NTRK3: variants seen among roughly 807,000 people sequenced by gnomAD.
The protein encoded by NTRK3 is neurotrophic receptor tyrosine kinase 3.
In NTRK3, 24 loss-of-function variants were observed where a neutral mutation model predicts 91.7. That is an observed-to-expected ratio of 0.26 (90% CI 0.19 to 0.37). The LOEUF (loss-of-function observed/expected upper bound fraction) is 0.37. Among genes scored for constraint, NTRK3 ranks in the 10% least tolerant of loss-of-function variants. The pLI, the probability that NTRK3 is intolerant of heterozygous loss-of-function variation, is 1.00. For missense variants in NTRK3, 880 were observed against 1,068.9 expected, an observed-to-expected ratio of 0.82 and a Z score of 2.46; for synonymous variants, 483 against 404.0, an observed-to-expected ratio of 1.20 and a Z score of -2.34.
intron 14 of NTRK3, among the ~76,000 whole-genome samples, chr15:88,025,818 A>C (rs1473219504): frequency 2.0e-5 from 3 of 152,188 alleles, no homozygotes; most frequent in Non-Finnish European, 2.9e-5. Flanking sequence ...GGAAATAAAA[A>C]CTGTAATACA....
intron 14 of NTRK3, among the ~76,000 whole-genome samples, chr15:87,963,761 G>A (rs1182692520): frequency 6.6e-6 from 1 of 152,136 alleles, no homozygotes; most frequent in South Asian, 2.1e-4. Flanking sequence ...ATGGTAAATT[G>A]AGGAGCATCT....
intron 14 of NTRK3, among the ~76,000 whole-genome samples, chr15:87,968,357 C>T (rs1182353264): frequency 1.2e-4 from 19 of 152,148 alleles, no homozygotes; most frequent in Admixed American, 1.2e-3. Flanking sequence ...ATGGTGCTAG[C>T]CTAACTTCTA....
At chr15:87,881,811 C>T (rs1251070203) in intron 17 of NTRK3, among the ~76,000 whole-genome samples, 1 of 152,010 alleles carries the variant, frequency 6.6e-6, no homozygotes, top group Non-Finnish European at 1.5e-5. Context: ...ATCTTGTTTC[C>T]AAAAAGGGAA....
intron 3 of NTRK3, among the ~76,000 whole-genome samples, chr15:88,197,094 CAAAAA>C (rs59553739): frequency 8.1e-4 from 46 of 56,570 alleles, no homozygotes; most frequent in African/African-American, 1.9e-3. Context: ...TTGAGCAGGA[CAAAAA>C]AAAAAAAAAA....
At chr15:88,133,292 G>A (rs78139111) in intron 10 of NTRK3, among the ~76,000 whole-genome samples, 1,831 of 152,182 alleles carry the variant, frequency 0.012, 21 homozygotes, top group African/African-American at 0.042. Flanking sequence ...CTGAGAAGAC[G>A]CAAAGTATTG....
At chr15:88,117,827 G>A (rs1007723788) in intron 13 of NTRK3, among the ~76,000 whole-genome samples, 1 of 152,196 alleles carries the variant, frequency 6.6e-6, no homozygotes, top group African/African-American at 2.4e-5. Context: ...AGAGAGACAG[G>A]GAGTGTTATT....
chr15:88,165,290 A>T (rs2044830219), intron 5 of NTRK3, among the ~76,000 whole-genome samples: 1 of 152,194 alleles, frequency 6.6e-6, no homozygotes. Context: ...CCTTGATCAC[A>T]ATCATTGTTA....
rs1204526661 is a variant in NTRK3, at chr15:88,065,027, C to T, written c.1397-31982G>A. ...ATATGCTTGATAACAAGTTTTTGTACTGAATCAAGATCTATGACAACTATG... is the reference window on the plus strand; with the variant it reads ...ATATGCTTGATAACAAGTTTTTGTATTGAATCAAGATCTATGACAACTATG... On this transcript the variant is annotated intron_variant, in intron 13 of 18. Transcript: ENST00000394480. Among the ~76,000 whole-genome samples the T allele has an allele frequency of 2.0e-5, 3 of 152,178 alleles. No homozygotes were observed. The South Asian group carries it at 6.2e-4, about 31-fold the overall frequency.
At chr15:87,947,030 C>T (rs2070609822) in intron 14 of NTRK3, among the ~76,000 whole-genome samples, 1 of 151,988 alleles carries the variant, frequency 6.6e-6, no homozygotes, top group African/African-American at 2.4e-5. Flanking sequence ...AGGTGCGTGC[C>T]ACCACACCTG....
At chr15:88,209,545 C>A (rs1010967238) in intron 3 of NTRK3, among the ~76,000 whole-genome samples, 1 of 152,112 alleles carries the variant, frequency 6.6e-6, no homozygotes, top group African/African-American at 2.4e-5. Flanking sequence ...AAACAGGTAG[C>A]CACAAGGCAA....
chr15:87,995,289 G>T (rs1025643745), intron 14 of NTRK3, among the ~76,000 whole-genome samples: 1 of 152,158 alleles, frequency 6.6e-6, no homozygotes, highest in Non-Finnish European at 1.5e-5. Context: ...GAAACAGTCA[G>T]ACTGTGACAG....
chr15:87,967,295 A>G (rs557316588), intron 14 of NTRK3, among the ~76,000 whole-genome samples: 1 of 152,326 alleles, frequency 6.6e-6, no homozygotes, highest in East Asian at 1.9e-4. Flanking sequence ...TTAGGACCTC[A>G]TGATGAGACA....
intron 14 of NTRK3, among the ~76,000 whole-genome samples, chr15:88,002,900 A>C (rs1160117401): frequency 1.3e-5 from 2 of 152,080 alleles, no homozygotes; most frequent in Non-Finnish European, 2.9e-5. Flanking sequence ...GGGAGTGGGG[A>C]CCTTTGCCAG....
intron 13 of NTRK3, among the ~76,000 whole-genome samples, chr15:88,088,648 G>A (rs3784422): frequency 0.13 from 19,679 of 152,058 alleles, 1,918 homozygotes; most frequent in African/African-American, 0.28. Context: ...TAATAATAAT[G>A]GTAACAATTA....
intron 13 of NTRK3, among the ~76,000 whole-genome samples, chr15:88,089,529 G>T (rs560366517): frequency 7.9e-5 from 12 of 152,296 alleles, no homozygotes; most frequent in African/African-American, 2.9e-4. Context: ...TGTTGTCAAA[G>T]ACTATTTGAA....
Position 87,945,819 on chromosome 15 carries a change from A to C in NTRK3, c.1586-5066T>G, listed in dbSNP as rs868309598. Among the ~76,000 whole-genome samples the C allele has an allele frequency of 1.4e-3, 219 of 151,442 alleles. 1 individual carries two copies. Among genetic ancestry groups the C allele is most frequent in the African/African-American group, 4.1e-3 (170 of 41,136 alleles). On this transcript the variant is annotated intron_variant, in intron 14 of 18. Coordinates refer to ENST00000394480, the Ensembl canonical transcript of NTRK3. Reference sequence around the variant, plus strand: ...GAAGACTGGGAAAAAAAAAAAAAAAAAAAAAAAAAACAGATCTCTATTGAA... The same window carrying C: ...GAAGACTGGGAAAAAAAAAAAAAAACAAAAAAAAAACAGATCTCTATTGAA...
At chr15:88,064,115 A>C (rs1031443485) in intron 13 of NTRK3, among the ~76,000 whole-genome samples, 2 of 152,228 alleles carry the variant, frequency 1.3e-5, no homozygotes, top group South Asian at 2.1e-4. Context: ...GGTGAGACAG[A>C]GGCAGAGAGT....
intron 3 of NTRK3, among the ~76,000 whole-genome samples, chr15:88,223,117 C>A (rs553565230): frequency 1.3e-5 from 2 of 152,008 alleles, no homozygotes; most frequent in African/African-American, 4.8e-5. Flanking sequence ...GCTCGGGAGG[C>A]GGGTGGGATT....
At chr15:87,872,957 T>G (rs2064861556) in exon 19 of NTRK3, 1 of 232,926 alleles carries the variant, frequency 4.3e-6, no homozygotes, top group Non-Finnish European at 8.5e-6. Context: ...AATAGCAAAA[T>G]CAGAAATTTT....
Sources: allele counts gnomAD v4.1 joint callset (sites outside exome capture counted in the v4.1 genomes callset), GRCh38; gene constraint gnomAD v4.1.1; transcripts MANE v1.5; gene names NCBI Gene and HGNC (gene_info 2026-07-23, HGNC 2026-07-21).